RORA: variants seen among roughly 807,000 people sequenced by gnomAD.
RORA encodes the protein RAR related orphan receptor A.
A neutral mutation model predicts 69.5 loss-of-function variants in RORA; 7 were observed. The ratio of observed to expected loss-of-function variants is 0.10; its 90% confidence interval spans 0.06 to 0.19. RORA has a LOEUF of 0.19. Among genes scored for constraint, RORA ranks in the 10% least tolerant of loss-of-function variants. The pLI, the probability that RORA is intolerant of heterozygous loss-of-function variation, is 1.00. For synonymous variants in RORA, 261 were observed against 240.8 expected, an observed-to-expected ratio of 1.08 and a Z score of -0.78; for missense variants, 457 against 663.0, an observed-to-expected ratio of 0.69 and a Z score of 3.41.
rs1406481517 is a variant in RORA at position 61,226,757 on chromosome 15, T to A, written c.166+2296A>T. On this transcript the variant is annotated intron_variant, in intron 1 of 10. Coordinates refer to ENST00000335670, the MANE Select transcript of RORA (RefSeq NM_134261.3). The surrounding 1 kb of genome is among the most constrained non-coding windows in gnomAD (Gnocchi z 4.2). ...ACCTTCCTTTTTCCATTCAGACTGTTATATAACCTAGTGCCTGCGTGCAGG... is the reference window on the plus strand; with the variant it reads ...ACCTTCCTTTTTCCATTCAGACTGTAATATAACCTAGTGCCTGCGTGCAGG... Among the ~76,000 whole-genome samples the A allele has an allele frequency of 6.6e-6, 1 of 152,122 alleles. No homozygotes were observed. Among genetic ancestry groups the A allele is most frequent in the Non-Finnish European group, 1.5e-5 (1 of 68,026 alleles).
In RORA at chr15:60,819,746, G is replaced by GACACACACACACACACAC. The variant is rs59044853; in HGVS notation, c.167-141078_167-141061dup. 4.4e-3 allele frequency among the ~76,000 whole-genome samples: 521 copies of GACACACACACACACACAC among 119,332 alleles called. 13 individuals are homozygous for GACACACACACACACACAC. Among genetic ancestry groups the GACACACACACACACACAC allele is most frequent in the African/African-American group, 0.014 (432 of 29,880 alleles). The allele number at this position is 119,332 out of a possible 152,430, so 78.3% of individuals were successfully genotyped here. On this transcript the variant is annotated intron_variant, in intron 1 of 10. Coordinates refer to ENST00000335670, the MANE Select transcript of RORA (RefSeq NM_134261.3). ...CACTCCTGGACTGAAGTCAAACCCA[G>GACACACACACACACACAC]ACACACACACACACACACACACACA...
At chr15:60,974,026 C>T (rs1321572814) in intron 1 of RORA, among the ~76,000 whole-genome samples, 1 of 152,226 alleles carries the variant, frequency 6.6e-6, no homozygotes, top group African/African-American at 2.4e-5. Flanking sequence ...CATTTCAAAC[C>T]TCTGTTAATT....
intron 1 of RORA, among the ~76,000 whole-genome samples, chr15:61,144,862 A>G (rs1175645444): frequency 6.6e-6 from 1 of 152,194 alleles, no homozygotes; most frequent in Non-Finnish European, 1.5e-5. Context: ...TTGGGGGAGT[A>G]TGTCTGGAAG....
chr15:61,152,152 T>G (rs2079403536), intron 1 of RORA, among the ~76,000 whole-genome samples: 1 of 152,174 alleles, frequency 6.6e-6, no homozygotes, highest in Non-Finnish European at 1.5e-5. Context: ...GGAAAGGCAG[T>G]GGCAGGAAAG....
chr15:60,707,239 CCT>C (rs1387632031), intron 1 of RORA, among the ~76,000 whole-genome samples: 1 of 152,120 alleles, frequency 6.6e-6, no homozygotes, highest in Non-Finnish European at 1.5e-5. Context: ...CACCCAGTCC[CCT>C]GAATTCACTC....
chr15:60,830,552 C>T (rs1336840681), intron 1 of RORA, among the ~76,000 whole-genome samples: 1 of 152,218 alleles, frequency 6.6e-6, no homozygotes, highest in African/African-American at 2.4e-5. Flanking sequence ...CCCTAAATCA[C>T]TACACAACTG....
chr15:60,833,582 A>G (rs562898960), intron 1 of RORA, among the ~76,000 whole-genome samples: 11 of 149,724 alleles, frequency 7.3e-5, no homozygotes, highest in South Asian at 6.4e-4. Flanking sequence ...CAGTTAAAAA[A>G]CTCTTCTCTT....
chr15:61,046,687 T>C (rs771694765), intron 1 of RORA, among the ~76,000 whole-genome samples: 1 of 152,142 alleles, frequency 6.6e-6, no homozygotes, highest in Non-Finnish European at 1.5e-5. Flanking sequence ...GGTGGAATAT[T>C]ACACAGCAGG....
intron 1 of RORA, among the ~76,000 whole-genome samples, chr15:61,167,663 T>C (rs1220837682): frequency 6.6e-6 from 1 of 152,204 alleles, no homozygotes; most frequent in Non-Finnish European, 1.5e-5. Flanking sequence ...CACACTTATG[T>C]TGAAAACCAA....
intron 1 of RORA, among the ~76,000 whole-genome samples, chr15:60,997,781 C>G (rs1334976950): frequency 6.6e-6 from 1 of 152,228 alleles, no homozygotes; most frequent in Non-Finnish European, 1.5e-5. Flanking sequence ...TTTCTCCCAT[C>G]TGGACCTTGA....
intron 1 of RORA, among the ~76,000 whole-genome samples, chr15:60,941,769 C>T (rs1161926160): frequency 6.6e-6 from 1 of 152,230 alleles, no homozygotes; most frequent in Admixed American, 6.5e-5. Flanking sequence ...AGACCTCCCT[C>T]TCCTCACTGA....
intron 1 of RORA, among the ~76,000 whole-genome samples, chr15:60,679,128 T>G (rs1286989223): frequency 6.6e-6 from 1 of 152,178 alleles, no homozygotes; most frequent in South Asian, 2.1e-4. Flanking sequence ...TACTCTTTAA[T>G]GAAAACGACC....
At chr15:60,581,420 A>G (rs73422090) in intron 2 of RORA, among the ~76,000 whole-genome samples, 8,792 of 152,306 alleles carry the variant, frequency 0.058, 839 homozygotes, top group African/African-American at 0.2. Flanking sequence ...TTGTTAAACA[A>G]TATCATTTTC....
chr15:60,670,620 C>T (rs1328945598), intron 2 of RORA, among the ~76,000 whole-genome samples: 5 of 152,098 alleles, frequency 3.3e-5, no homozygotes, highest in Admixed American at 2.0e-4. Flanking sequence ...AAAGAGCTAT[C>T]ACTCCTACAT....
intron 1 of RORA, among the ~76,000 whole-genome samples, chr15:61,007,218 G>A (rs1894937002): frequency 6.6e-6 from 1 of 152,122 alleles, no homozygotes; most frequent in South Asian, 2.1e-4. Flanking sequence ...ATAAATCCAA[G>A]GTAGGTGGTT....
chr15:61,017,001 T>C (rs919421232), intron 1 of RORA, among the ~76,000 whole-genome samples: 1 of 152,180 alleles, frequency 6.6e-6, no homozygotes, highest in Non-Finnish European at 1.5e-5. Context: ...ATAAAACATA[T>C]CATAAAAGTC....
rs114392280 is a variant in RORA at position 60,875,221 on chromosome 15, T to C, written c.167-196535A>G. 4.4e-3 allele frequency among the ~76,000 whole-genome samples: 670 copies of C among 152,304 alleles called. 5 individuals are homozygous for C. Among genetic ancestry groups the C allele is most frequent in the African/African-American group, 0.015 (639 of 41,540 alleles). Reference sequence around the variant, plus strand: ...ACCTAGAACAGTGCCTGGTACATAGTTGATGCTTAATGCATATTTTTGGGA... The same window carrying C: ...ACCTAGAACAGTGCCTGGTACATAGCTGATGCTTAATGCATATTTTTGGGA... On this transcript the variant is annotated intron_variant, in intron 1 of 10. Coordinates refer to ENST00000335670, the MANE Select transcript of RORA (RefSeq NM_134261.3).
intron 1 of RORA, among the ~76,000 whole-genome samples, chr15:60,768,536 C>A (rs1047926748): frequency 2.6e-5 from 4 of 152,158 alleles, no homozygotes; most frequent in African/African-American, 9.7e-5. Flanking sequence ...ATTTTCCACT[C>A]CCATACTATT....
chr15:60,943,202 G>T (rs1220104486), intron 1 of RORA, among the ~76,000 whole-genome samples: 1 of 152,192 alleles, frequency 6.6e-6, no homozygotes, highest in Non-Finnish European at 1.5e-5. Context: ...TTGCTAGGAT[G>T]CTGGGGCAAA....
Sources: allele counts gnomAD v4.1 joint callset (sites outside exome capture counted in the v4.1 genomes callset), GRCh38; gene constraint gnomAD v4.1.1; non-coding constraint Gnocchi (gnomAD v3.1); transcripts MANE v1.5; gene names NCBI Gene and HGNC (gene_info 2026-07-23, HGNC 2026-07-21).